Variants in RBFOX1 observed in about 807,000 individuals in gnomAD.
RBFOX1 encodes RNA binding protein fox-1 homolog 1.
In RBFOX1, 8 loss-of-function variants were observed where a neutral mutation model predicts 57.7. That is an observed-to-expected ratio of 0.14 (90% CI 0.08 to 0.25). The LOEUF (loss-of-function observed/expected upper bound fraction) is 0.25. RBFOX1 is among the 10% of genes least tolerant of loss of function. The pLI is 1.00. For synonymous variants in RBFOX1, 326 were observed against 222.4 expected (o/e 1.47, Z -4.15); for missense variants, 611 against 548.5 (o/e 1.11, Z -1.14).
intron 4 of RBFOX1, chr16:5,867,450 C>A: frequency 1.3e-6 from 1 of 745,938 alleles, no homozygotes; most frequent in Non-Finnish European, 1.8e-6. Flanking sequence ...TTCCTGGTGG[C>A]TTGGATGGTG....
chr16:7,667,648 C>A (rs891074930), intron 13 of RBFOX1, among the ~76,000 whole-genome samples: 4 of 151,744 alleles, frequency 2.6e-5, no homozygotes, highest in Admixed American at 2.6e-4. Flanking sequence ...ATGTTAGACA[C>A]ATCAGATACC....
At chr16:6,982,619 C>G (rs906101756) in intron 3 of RBFOX1, among the ~76,000 whole-genome samples, 3 of 152,174 alleles carry the variant, frequency 2.0e-5, no homozygotes, top group African/African-American at 7.2e-5. Context: ...AGGAGCTGAG[C>G]AAAGCCCTTT....
intron 4 of RBFOX1, among the ~76,000 whole-genome samples, chr16:5,991,967 C>G (rs545990235): frequency 2.8e-4 from 43 of 152,264 alleles, no homozygotes; most frequent in African/African-American, 9.9e-4. Context: ...TTGCTATGCA[C>G]ACACAGGCTA....
chr16:6,317,294 G>T (rs1217076574), intron 2 of RBFOX1, among the ~76,000 whole-genome samples: 1 of 152,112 alleles, frequency 6.6e-6, no homozygotes, highest in African/African-American at 2.4e-5. Context: ...GGTTATCAAT[G>T]AGTTAACTGC....
intron 3 of RBFOX1, among the ~76,000 whole-genome samples, chr16:5,816,744 A>T (rs2055655021): frequency 6.6e-6 from 1 of 152,178 alleles, no homozygotes; most frequent in Non-Finnish European, 1.5e-5. Flanking sequence ...TGATCGTCCC[A>T]CTGTACTCTA....
At chr16:5,689,584 T>A (rs1275862585) in intron 3 of RBFOX1, among the ~76,000 whole-genome samples, 1 of 152,174 alleles carries the variant, frequency 6.6e-6, no homozygotes, top group Non-Finnish European at 1.5e-5. Context: ...CTTAGAATAT[T>A]TCTCTTTGTC....
intron 5 of RBFOX1, among the ~76,000 whole-genome samples, chr16:7,565,164 C>T (rs2091367054): frequency 6.6e-6 from 1 of 152,056 alleles, no homozygotes; most frequent in Non-Finnish European, 1.5e-5. Context: ...ATTATTATTA[C>T]TTTTAATGGA....
At position 7,348,473 on chromosome 16, in the gene RBFOX1, C is replaced by T. The variant is rs182757721; in HGVS notation, c.28-169674C>T. ...GTGATGTCTTAAACAAACACATATT[C>T]CGTGTCCTTTCCACATGCCCCTTTG... On this transcript the variant is annotated intron_variant, in intron 4 of 15. Transcript: ENST00000550418. Among the ~76,000 whole-genome samples the T allele has an allele frequency of 5.3e-5, 8 of 152,180 alleles. No individual in the cohort carries two copies. In the East Asian group the frequency reaches 1.5e-3, roughly 29 times the overall value.
intron 3 of RBFOX1, among the ~76,000 whole-genome samples, chr16:5,700,373 C>G (rs951240407): frequency 2.0e-5 from 3 of 151,826 alleles, no homozygotes; most frequent in Admixed American, 1.3e-4. Context: ...ATTGCCTTCT[C>G]TCTGGAATCA....
chr16:7,142,178 C>G (rs557074180), intron 4 of RBFOX1, among the ~76,000 whole-genome samples: 1 of 152,180 alleles, frequency 6.6e-6, no homozygotes, highest in East Asian at 1.9e-4. Flanking sequence ...CACACACCAC[C>G]ACACCTGACC....
intron 3 of RBFOX1, among the ~76,000 whole-genome samples, chr16:6,764,101 T>A (rs1219450923): frequency 6.6e-6 from 1 of 152,198 alleles, no homozygotes; most frequent in Non-Finnish European, 1.5e-5. Flanking sequence ...GGTATGTGCA[T>A]TTTCTGTGCC....
chr16:7,553,336 G>A (rs2087197888), intron 5 of RBFOX1, among the ~76,000 whole-genome samples: 1 of 152,006 alleles, frequency 6.6e-6, no homozygotes, highest in Non-Finnish European at 1.5e-5. Context: ...GTAGAGATGG[G>A]ATCTCCCAGT....
At chr16:5,352,629 C>G (rs544444189) in intron 1 of RBFOX1, among the ~76,000 whole-genome samples, 1 of 152,240 alleles carries the variant, frequency 6.6e-6, no homozygotes, top group African/African-American at 2.4e-5. Flanking sequence ...AATGAGCACA[C>G]TCAAGAAATT....
intron 2 of RBFOX1, among the ~76,000 whole-genome samples, chr16:6,645,526 T>G (rs182170359): frequency 6.6e-6 from 1 of 152,160 alleles, no homozygotes; most frequent in East Asian, 1.9e-4. Context: ...CTACAAAAAT[T>G]ATCAAAAACA....
At chr16:6,655,216 A>G (rs910824021) in intron 3 of RBFOX1, among the ~76,000 whole-genome samples, 4 of 151,598 alleles carry the variant, frequency 2.6e-5, no homozygotes, top group Admixed American at 6.6e-5. Flanking sequence ...TCTACTAAAA[A>G]TAGAAAAATT....
At chr16:6,606,014 C>T (rs2097920208) in intron 2 of RBFOX1, among the ~76,000 whole-genome samples, 1 of 151,990 alleles carries the variant, frequency 6.6e-6, no homozygotes. Flanking sequence ...GAGACTGAGG[C>T]AGGAGGATCA....
At chr16:7,161,740 C>A (rs554572550) in intron 4 of RBFOX1, among the ~76,000 whole-genome samples, 1 of 152,292 alleles carries the variant, frequency 6.6e-6, no homozygotes, top group South Asian at 2.1e-4. Context: ...TATGACTCAT[C>A]TTTCTAGAAT....
chr16:7,585,866 C>T (rs1216344310), intron 6 of RBFOX1, among the ~76,000 whole-genome samples: 1 of 152,112 alleles, frequency 6.6e-6, no homozygotes, highest in Non-Finnish European at 1.5e-5. Context: ...TCAGGCAAAC[C>T]TCCCCTGCTT....
chr16:7,506,957 G>A (rs190871951), intron 4 of RBFOX1, among the ~76,000 whole-genome samples: 1 of 152,260 alleles, frequency 6.6e-6, no homozygotes, highest in African/African-American at 2.4e-5. Context: ...GTGCATACAG[G>A]ACTTTCTAGA....
Sources: gnomAD v4.1 joint callset for allele counts (sites outside exome capture counted in the v4.1 genomes callset) on GRCh38, gnomAD v4.1.1 for gene constraint, MANE v1.5 for transcripts, NCBI Gene and HGNC (gene_info 2026-07-23, HGNC 2026-07-21) for gene names.